Variants in PMS1 observed in about 807,000 individuals in gnomAD.
PMS1 encodes the protein PMS1 protein homolog 1.
Under a neutral mutation model 93.1 loss-of-function variants are expected in PMS1, and 79 were observed. That is an observed-to-expected ratio of 0.85 (90% CI 0.71 to 1.02). The LOEUF is 1.02. Ranked by LOEUF, PMS1 falls within the 50% of genes least tolerant of loss-of-function variation. The pLI is 0.00. For synonymous variants in PMS1, 335 were observed against 363.4 expected (o/e 0.92, Z 0.89); for missense variants, 1,064 against 1,085.3 (o/e 0.98, Z 0.28).
chr2:189,853,107 C>T lies in PMS1; in HGVS notation c.822+330C>T, dbSNP rs555079906. On this transcript the variant is annotated intron_variant, in intron 7 of 12. Transcript: ENST00000441310. ...CGCTCTCCAGGCTGGATTGCAATGG[C>T]GTGTCCCGTGATCTTGGCTCACTGC... Among the ~76,000 whole-genome samples, 11 of 152,054 alleles carry T rather than the reference C, an allele frequency of 7.2e-5. No homozygotes were observed. The South Asian group carries it at 1.9e-3, about 26-fold the overall frequency.
intron 3 of PMS1, among the ~76,000 whole-genome samples, chr2:189,801,738 T>C (rs1359178651): frequency 1.4e-5 from 2 of 146,614 alleles, no homozygotes; most frequent in Non-Finnish European, 3.0e-5. Context: ...TTCTGAGAAT[T>C]TTTTTTTTTT....
intron 6 of PMS1, among the ~76,000 whole-genome samples, chr2:189,847,312 A>T (rs1010910226): frequency 6.6e-6 from 1 of 152,076 alleles, no homozygotes; most frequent in Non-Finnish European, 1.5e-5. Context: ...ATATACTTCC[A>T]TCCATTATCA....
chr2:189,866,708 A>G (rs930085471), intron 10 of PMS1, among the ~76,000 whole-genome samples: 9 of 152,232 alleles, frequency 5.9e-5, no homozygotes, highest in African/African-American at 2.2e-4. Flanking sequence ...TGATCTTCAC[A>G]TCAACTTTAT....
chr2:189,862,745 G>A (rs1013631169), intron 9 of PMS1, among the ~76,000 whole-genome samples: 31 of 152,154 alleles, frequency 2.0e-4, no homozygotes, highest in African/African-American at 6.5e-4. Flanking sequence ...AGTTTAGGAC[G>A]TAGGTTTTTT....
At chr2:189,827,807 A>G (rs959377075) in intron 5 of PMS1, among the ~76,000 whole-genome samples, 1 of 152,194 alleles carries the variant, frequency 6.6e-6, no homozygotes, top group African/African-American at 2.4e-5. Context: ...ATTTCATAGA[A>G]ATAGAGAGCA....
intron 6 of PMS1, among the ~76,000 whole-genome samples, chr2:189,848,863 TCA>T (rs958764870): frequency 1.3e-5 from 2 of 152,214 alleles, no homozygotes; most frequent in African/African-American, 2.4e-5. Flanking sequence ...TGGTCCTGTA[TCA>T]CAGTTTCTTT....
At chr2:189,803,435 C>T (rs1031283542) in intron 3 of PMS1, among the ~76,000 whole-genome samples, 15 of 152,290 alleles carry the variant, frequency 9.8e-5, no homozygotes, top group African/African-American at 3.6e-4. Flanking sequence ...CCTCTAAGGA[C>T]TTGTAAAACT....
At chr2:189,794,386 A>G (rs906808179) in intron 2 of PMS1, among the ~76,000 whole-genome samples, 12 of 152,216 alleles carry the variant, frequency 7.9e-5, no homozygotes, top group Admixed American at 7.9e-4. Flanking sequence ...AAGTGCTGCA[A>G]TTACTTGCAT....
At chr2:189,859,117 C>A (rs756863467) in intron 9 of PMS1, among the ~76,000 whole-genome samples, 14 of 152,220 alleles carry the variant, frequency 9.2e-5, no homozygotes, top group Middle Eastern at 6.8e-3. Flanking sequence ...AAAAAGTAAT[C>A]TTTTAGCAAA....
At chr2:189,858,951 T>C (rs1167473494) in intron 9 of PMS1, among the ~76,000 whole-genome samples, 1 of 152,168 alleles carries the variant, frequency 6.6e-6, no homozygotes, top group Non-Finnish European at 1.5e-5. Flanking sequence ...AATCTCACTT[T>C]TAACAGCACT....
intron 7 of PMS1, among the ~76,000 whole-genome samples, chr2:189,853,516 TTTTC>T (rs1352280457): frequency 4.9e-5 from 7 of 143,114 alleles, no homozygotes; most frequent in Admixed American, 2.0e-4. Flanking sequence ...TTTTCTTTTC[TTTTC>T]TTTTTTTTTT....
chr2:189,826,868 A>G (rs1204981405), intron 5 of PMS1, among the ~76,000 whole-genome samples: 2 of 152,228 alleles, frequency 1.3e-5, no homozygotes, highest in African/African-American at 4.8e-5. Context: ...AAGCCAAAAT[A>G]GTAAGTGTAT....
intron 10 of PMS1, 58 bp from the exon 11 acceptor site, chr2:189,867,741 C>A (rs774812831): frequency 1.5e-6 from 2 of 1,315,212 alleles, no homozygotes; most frequent in Non-Finnish European, 2.2e-6. Flanking sequence ...AACTTTTTCC[C>A]GTAAACCCCC....
At chr2:189,815,538 C>T (rs772868750) in intron 4 of PMS1, among the ~76,000 whole-genome samples, 11 of 152,230 alleles carry the variant, frequency 7.2e-5, no homozygotes, top group Non-Finnish European at 1.5e-4. Context: ...TACACTCACA[C>T]TCTCTCATGC....
chr2:189,854,602 G>C lies in PMS1; in HGVS notation c.1330G>C (p.Val444Leu), dbSNP rs369312075. The C allele has an allele frequency of 5.6e-6, 9 of 1,613,762 alleles. No individual in the cohort carries two copies. Among genetic ancestry groups the C allele is most frequent in the Middle Eastern group, 1.6e-4 (1 of 6,076 alleles). Residue 444 changes from valine (V) to leucine (L), a missense_variant, in exon 9 of 13, where the codon GTA (valine) becomes CTA (leucine). Transcript: ENST00000441310. ...ATTTCAGGACATTTCAATGAGTAATGTATCATGGGAGAACTCTCAGACGGA... is the reference window on the plus strand; with the variant it reads ...ATTTCAGGACATTTCAATGAGTAATCTATCATGGGAGAACTCTCAGACGGA... Reference protein sequence around the residue: ...NAFQDISMSNVSWENSQTEYS... With the variant: ...NAFQDISMSNLSWENSQTEYS...
At chr2:189,839,399 A>C (rs961383309) in intron 5 of PMS1, among the ~76,000 whole-genome samples, 1 of 152,180 alleles carries the variant, frequency 6.6e-6, no homozygotes, top group African/African-American at 2.4e-5. Context: ...TATTTTCCCA[A>C]TTAGATTTAT....
intron 2 of PMS1, among the ~76,000 whole-genome samples, chr2:189,794,896 A>G (rs5742976): frequency 6.6e-6 from 1 of 152,074 alleles, no homozygotes; most frequent in African/African-American, 2.4e-5. Context: ...CAGGAGTTTG[A>G]TACCAGCCTG....
chr2:189,790,597 A>G (rs2048772021), intron 1 of PMS1, among the ~76,000 whole-genome samples: 1 of 152,200 alleles, frequency 6.6e-6, no homozygotes, highest in Non-Finnish European at 1.5e-5. Flanking sequence ...AATGTCCATA[A>G]TAATAAGTAT....
chr2:189,825,847 TTTG>T (rs5743055), intron 5 of PMS1, among the ~76,000 whole-genome samples: 5 of 152,218 alleles, frequency 3.3e-5, no homozygotes, highest in South Asian at 2.1e-4. Context: ...TGTCTTTGTT[TTTG>T]TTGTTGTTGT....
Sources: gnomAD v4.1 joint callset for allele counts (sites outside exome capture counted in the v4.1 genomes callset) on GRCh38, gnomAD v4.1.1 for gene constraint, MANE v1.5 for transcripts, NCBI Gene and HGNC (gene_info 2026-07-23, HGNC 2026-07-21) for gene names.